Variants in ULK4 observed in about 807,000 individuals in gnomAD.
ULK4 encodes unc-51 like kinase 4.
A neutral mutation model predicts 160.6 loss-of-function variants in ULK4; 133 were observed. That is an observed-to-expected ratio of 0.83 (90% CI 0.72 to 0.96). The LOEUF (loss-of-function observed/expected upper bound fraction) is 0.96. Ranked by LOEUF, ULK4 falls within the 40% of genes least tolerant of loss-of-function variation. The pLI, the probability that ULK4 is intolerant of heterozygous loss-of-function variation, is 0.00. For synonymous variants in ULK4, 534 were observed against 539.8 expected, an observed-to-expected ratio of 0.99 and a Z score of 0.15; for missense variants, 1,580 against 1,499.5, an observed-to-expected ratio of 1.05 and a Z score of -0.89.
At position 41,550,727 on chromosome 3, in the gene ULK4, G is replaced by A. The variant is rs139775580; in HGVS notation, c.3226+15298C>T. On this transcript the variant is annotated intron_variant, in intron 32 of 36. Coordinates refer to ENST00000301831, the MANE Select transcript of ULK4 (RefSeq NM_017886.4). ...TAACACTCTTATTAGACAGATAATC[G>A]AGACAGAAAAATCAACAACAAAACA... Among the ~76,000 whole-genome samples, 40 of 151,868 alleles carry A rather than the reference G, an allele frequency of 2.6e-4. 1 individual carries two copies. The highest frequency in any genetic ancestry group is 2.2e-3 in the Admixed American group (33 of 15,264).
Position 41,954,640 on chromosome 3 carries a change from C to G in ULK4, c.120G>C (p.Arg40Ser). 1 of 1,612,592 alleles carries G rather than the reference C, an allele frequency of 6.2e-7. No homozygotes were observed. Among genetic ancestry groups the G allele is most frequent in the South Asian group, 1.1e-5 (1 of 90,742 alleles). ...GACTTACCCAGTTGGTTATTTCAGG[C>G]CTTTTGCACTTATCAGTACAAAGAA... ...VAILCTDKCK[R>S]PEITNWVRLT... Residue 40 changes from arginine to serine, a missense_variant, in exon 2 of 37, where the codon AGG (arginine) becomes AGC (serine). Coordinates refer to ENST00000301831, the MANE Select transcript of ULK4 (RefSeq NM_017886.4).
At chr3:41,695,251 T>G (rs2036450064) in intron 27 of ULK4, among the ~76,000 whole-genome samples, 1 of 152,220 alleles carries the variant, frequency 6.6e-6, no homozygotes, top group Non-Finnish European at 1.5e-5. Context: ...ATATATGAAG[T>G]TTGAGGATAC....
chr3:41,291,545 G>T (rs1270277102), intron 35 of ULK4, among the ~76,000 whole-genome samples: 2 of 151,852 alleles, frequency 1.3e-5, no homozygotes, highest in African/African-American at 4.8e-5. Flanking sequence ...AAGGAAAAAA[G>T]AAAGGCAGGG....
chr3:41,955,028 C>T (rs28711923), intron 1 of ULK4, among the ~76,000 whole-genome samples: 8,623 of 152,294 alleles, frequency 0.057, 448 homozygotes, highest in East Asian at 0.16. Context: ...CAGTGGCTCA[C>T]GCCTGTAATC....
chr3:41,302,348 A>C (rs1426271409), intron 35 of ULK4, among the ~76,000 whole-genome samples: 1 of 152,212 alleles, frequency 6.6e-6, no homozygotes, highest in African/African-American at 2.4e-5. Flanking sequence ...ATCAAGACTT[A>C]ATGGAATGGT....
chr3:41,425,399 C>A (rs1022567857), intron 34 of ULK4, among the ~76,000 whole-genome samples: 5 of 152,160 alleles, frequency 3.3e-5, no homozygotes, highest in Non-Finnish European at 7.3e-5. Context: ...AAGAGAACTT[C>A]CCCAACCTAT....
intron 30 of ULK4, among the ~76,000 whole-genome samples, chr3:41,655,609 A>C (rs566762217): frequency 1.3e-5 from 2 of 152,298 alleles, no homozygotes; most frequent in Admixed American, 1.3e-4. Context: ...CAGGAGGCTA[A>C]GGCAGAAGGA....
At chr3:41,375,252 C>A (rs1470075918) in intron 35 of ULK4, among the ~76,000 whole-genome samples, 3 of 152,128 alleles carry the variant, frequency 2.0e-5, no homozygotes, top group Non-Finnish European at 2.9e-5. Flanking sequence ...CAAACTACCA[C>A]TGACTTTCTT....
intron 19 of ULK4, among the ~76,000 whole-genome samples, chr3:41,811,566 C>T (rs73077375): frequency 0.12 from 18,847 of 152,054 alleles, 1,353 homozygotes; most frequent in Middle Eastern, 0.27. Flanking sequence ...TTTATTGATA[C>T]GTAGATCTCT....
At chr3:41,795,820 A>G (rs945600329) in intron 20 of ULK4, among the ~76,000 whole-genome samples, 5 of 152,226 alleles carry the variant, frequency 3.3e-5, no homozygotes, top group African/African-American at 4.8e-5. Context: ...AAGCTACTCC[A>G]GTGGTCCAGG....
chr3:41,322,218 G>C (rs1462059970), intron 35 of ULK4, among the ~76,000 whole-genome samples: 2 of 143,746 alleles, frequency 1.4e-5, no homozygotes, highest in Non-Finnish European at 3.0e-5. Context: ...TTTTAGTAGA[G>C]ATGGGGTTTC....
At chr3:41,776,217 AC>A (rs1359556471) in intron 21 of ULK4, among the ~76,000 whole-genome samples, 1 of 150,964 alleles carries the variant, frequency 6.6e-6, no homozygotes, top group East Asian at 1.9e-4. Context: ...TCCCAAGTTT[AC>A]TGACCATTCC....
intron 2 of ULK4, among the ~76,000 whole-genome samples, chr3:41,950,134 T>A (rs952831279): frequency 1.3e-5 from 2 of 152,064 alleles, no homozygotes; most frequent in Non-Finnish European, 2.9e-5. Context: ...TCACTCAGGT[T>A]GGAGCACAGT....
rs76070047 is a variant in ULK4 at position 41,814,077 on chromosome 3, C to G, written c.1848+5346G>C. On this transcript the variant is annotated intron_variant, in intron 19 of 36. Transcript: ENST00000301831. Reference sequence around the variant, plus strand: ...CACAATGTAGCATTTTCACTGCAAACGGGAGGTTTGTGCTGGCTGTCCTCC... The same window carrying G: ...CACAATGTAGCATTTTCACTGCAAAGGGGAGGTTTGTGCTGGCTGTCCTCC... Among the ~76,000 whole-genome samples, 371 of 152,218 alleles carry G rather than the reference C, an allele frequency of 2.4e-3. 1 individual carries two copies. The highest frequency in any genetic ancestry group is 8.0e-3 in the African/African-American group (331 of 41,540).
chr3:41,624,283 A>G (rs567709022), intron 30 of ULK4, among the ~76,000 whole-genome samples: 1 of 152,350 alleles, frequency 6.6e-6, no homozygotes, highest in South Asian at 2.1e-4. Flanking sequence ...AAAATAACCA[A>G]GCACATACAT....
chr3:41,695,745 A>G (rs1389540703), intron 27 of ULK4, among the ~76,000 whole-genome samples: 1 of 152,206 alleles, frequency 6.6e-6, no homozygotes, highest in Non-Finnish European at 1.5e-5. Context: ...ATAATAAAAT[A>G]TATAAAACAA....
intron 32 of ULK4, among the ~76,000 whole-genome samples, chr3:41,510,145 A>C (rs957045471): frequency 6.6e-6 from 1 of 152,232 alleles, no homozygotes; most frequent in Non-Finnish European, 1.5e-5. Flanking sequence ...AAGATATTCC[A>C]TGCACATGGA....
At chr3:41,392,305 C>T (rs539937052) in intron 35 of ULK4, among the ~76,000 whole-genome samples, 13 of 152,242 alleles carry the variant, frequency 8.5e-5, no homozygotes, top group African/African-American at 3.1e-4. Context: ...TAAATACAGA[C>T]TAAATAAGAA....
chr3:41,715,319 T>A (rs2037229783), intron 24 of ULK4, 26 bp from the exon 25 acceptor site: 2 of 1,612,786 alleles, frequency 1.2e-6, no homozygotes, highest in Non-Finnish European at 1.7e-6. Context: ...TTCTACAGAT[T>A]AAATTCTGGA....
Sources: allele counts gnomAD v4.1 joint callset (sites outside exome capture counted in the v4.1 genomes callset), GRCh38; gene constraint gnomAD v4.1.1; transcripts MANE v1.5; gene names NCBI Gene and HGNC (gene_info 2026-07-23, HGNC 2026-07-21).